CPS1: variants seen among roughly 807,000 people sequenced by gnomAD.
The protein encoded by CPS1 is carbamoyl-phosphate synthase [ammonia], mitochondrial.
Under a neutral mutation model 174.6 loss-of-function variants are expected in CPS1, and 109 were observed. The ratio of observed to expected loss-of-function variants is 0.62; its 90% CI spans 0.53 to 0.73. The LOEUF is 0.73. Among genes scored for constraint, CPS1 ranks in the 30% least tolerant of loss-of-function variants. The pLI is 0.00. For synonymous variants in CPS1, 637 were observed against 632.0 expected (o/e 1.01, Z -0.12); for missense variants, 1,689 against 1,821.9 (o/e 0.93, Z 1.33).
intron 1 of CPS1, among the ~76,000 whole-genome samples, chr2:210,572,153 A>G (rs1183595140): frequency 6.6e-6 from 1 of 151,938 alleles, no homozygotes; most frequent in Admixed American, 6.6e-5. Context: ...ATTACTTTGA[A>G]GGAAATCTCA....
At chr2:210,521,808 A>G (rs1165229727) in intron 1 of CPS1, among the ~76,000 whole-genome samples, 1 of 151,904 alleles carries the variant, frequency 6.6e-6, no homozygotes, top group Non-Finnish European at 1.5e-5. Context: ...CACATTATCA[A>G]TTATATTTCC....
chr2:210,625,457 T>C lies in CPS1; in HGVS notation c.2687+8916T>C, dbSNP rs890882279. Among the ~76,000 whole-genome samples, 32 of 152,176 alleles carry C rather than the reference T, an allele frequency of 2.1e-4. 1 individual carries two copies. In the South Asian group the frequency reaches 3.1e-3, roughly 15 times the overall value. ...ACATGTTATCTCATACAAGTCTCGA[T>C]GTACAGTTTTTAGGAGGTATGTGTC... On this transcript the variant is annotated intron_variant, in intron 21 of 37. Coordinates refer to ENST00000233072, the MANE Select transcript of CPS1 (RefSeq NM_001875.5).
rs1406035411 is a variant in CPS1 at position 210,647,931 on chromosome 2, G to C, written c.3210G>C (p.Lys1070Asn). The change falls in exon 26 of 38, where the codon AAG (lysine) becomes AAC (asparagine). Residue 1070 changes from lysine (K) to asparagine (N), a missense_variant. By Grantham distance (94) the Lys-to-Asn change is moderately conservative. Transcript: ENST00000233072. ...IPNNLAVPLY[K>N]NGVKIMGTSP... is the part of the protein sequence containing the mutation. ...ACAACCTGGCAGTTCCTCTATACAA[G>C]AATGGTGTCAAGATCATGGGCACAA... 22 of 1,614,054 alleles carry C rather than the reference G, an allele frequency of 1.4e-5. No homozygotes were observed. Among genetic ancestry groups the C allele is most frequent in the Non-Finnish European group, 1.8e-5 (21 of 1,179,960 alleles).
chr2:210,601,392 T>G (rs1254020328), intron 15 of CPS1, among the ~76,000 whole-genome samples: 1 of 151,920 alleles, frequency 6.6e-6, no homozygotes, highest in African/African-American at 2.4e-5. Context: ...AGGCACACCC[T>G]TAGGAATAAA....
At position 210,587,907 on chromosome 2, in the gene CPS1, A is replaced by C. The variant is rs191117061; in HGVS notation, c.622-151A>C. 1,005 of 780,900 alleles carry C rather than the reference A, an allele frequency of 1.3e-3. 2 individuals are homozygous for C. The highest frequency in any genetic ancestry group is 1.7e-3 in the Non-Finnish European group (728 of 428,260). The allele number at this position is 780,900 out of a possible 1,614,324, so 48.4% of individuals were successfully genotyped here. On this transcript the variant is annotated intron_variant, in intron 6 of 37. Coordinates refer to ENST00000233072, the MANE Select transcript of CPS1 (RefSeq NM_001875.5). ...GTGGCACTTGTTGTGCCTTTCTTAC[A>C]AACTGTTTGTTAACTGCCAGTCACT... is the stretch of plus-strand genomic sequence containing the variant.
chr2:210,491,690 C>T (rs1694881832), intron 1 of CPS1, among the ~76,000 whole-genome samples: 1 of 152,204 alleles, frequency 6.6e-6, no homozygotes, highest in Non-Finnish European at 1.5e-5. Flanking sequence ...GTTAAGGCAC[C>T]AAGTTTCTAC....
chr2:210,621,543 T>G (rs1054345778), intron 21 of CPS1, among the ~76,000 whole-genome samples: 1 of 152,122 alleles, frequency 6.6e-6, no homozygotes, highest in Admixed American at 6.6e-5. Flanking sequence ...GCTCTTCCCA[T>G]GTAGTATTTT....
At chr2:210,537,201 A>T (rs1024489764) in intron 1 of CPS1, among the ~76,000 whole-genome samples, 1 of 152,168 alleles carries the variant, frequency 6.6e-6, no homozygotes, top group East Asian at 1.9e-4. Flanking sequence ...GTTACAGCAC[A>T]TTGCTAAGGG....
chr2:210,541,495 A>T (rs184765452), intron 1 of CPS1, among the ~76,000 whole-genome samples: 13 of 152,296 alleles, frequency 8.5e-5, no homozygotes, highest in Non-Finnish European at 1.3e-4. Context: ...TTTGTCCAGA[A>T]TAACAAACAG....
At position 210,602,186 on chromosome 2, in the gene CPS1, T is replaced by C. The variant is rs759998335; in HGVS notation, c.1708-16T>C. On this transcript the variant is annotated splice_polypyrimidine_tract_variant and intron_variant, in intron 15 of 37. Transcript: ENST00000233072. ...GCTCAGCTTTTAAAATGTTGAGTCC[T>C]TGTTCTTGTTGACAGATTGAGGATG... 14 of 1,611,790 alleles carry C rather than the reference T, an allele frequency of 8.7e-6. No homozygotes were observed. The African/African-American group carries it at 1.7e-4, about 20-fold the overall frequency.
At chr2:210,522,554 C>G (rs1235062657) in intron 1 of CPS1, among the ~76,000 whole-genome samples, 2 of 151,968 alleles carry the variant, frequency 1.3e-5, no homozygotes, top group African/African-American at 4.8e-5. Flanking sequence ...ATTCTGGACT[C>G]ATAGTTTCTG....
intron 1 of CPS1, among the ~76,000 whole-genome samples, chr2:210,481,752 A>G (rs1694576287): frequency 6.6e-6 from 1 of 152,248 alleles, no homozygotes; most frequent in Admixed American, 6.5e-5. Flanking sequence ...CCTTGAGGGC[A>G]GGTGTATAGG....
intron 9 of CPS1, among the ~76,000 whole-genome samples, chr2:210,591,478 G>A (rs543592038): frequency 1.1e-4 from 16 of 151,826 alleles, no homozygotes; most frequent in African/African-American, 2.4e-4. Flanking sequence ...TATAACTCTC[G>A]GGCTTTAAAA....
chr2:210,567,266 AAATT>A (rs1447377768), intron 1 of CPS1, among the ~76,000 whole-genome samples: 1 of 152,134 alleles, frequency 6.6e-6, no homozygotes, highest in African/African-American at 2.4e-5. Flanking sequence ...ACTATTTCCA[AAATT>A]AATTATACCA....
At chr2:210,673,466 T>C (rs573126414) in intron 34 of CPS1, 22 of 152,274 alleles carry the variant, frequency 1.4e-4, no homozygotes, top group African/African-American at 4.6e-4. Context: ...CCTGGGGTCC[T>C]AGGAAAGACA....
intron 21 of CPS1, among the ~76,000 whole-genome samples, chr2:210,628,179 C>A (rs1328363499): frequency 6.6e-6 from 1 of 152,166 alleles, no homozygotes; most frequent in Non-Finnish European, 1.5e-5. Flanking sequence ...TCCCCTTCTA[C>A]CCACTCTTCA....
In CPS1 at chr2:210,597,831, T is replaced by TATATATATATATATATATATATAC. The variant is rs1208001280; in HGVS notation, c.1360-1540_1360-1539insTATATATATATATATATATATACA. Among the ~76,000 whole-genome samples the TATATATATATATATATATATATAC allele has an allele frequency of 1.6e-4, 24 of 151,334 alleles. 1 individual carries two copies. Among genetic ancestry groups the TATATATATATATATATATATATAC allele is most frequent in the African/African-American group, 5.3e-4 (22 of 41,220 alleles). On this transcript the variant is annotated intron_variant, in intron 13 of 37. Transcript: ENST00000233072. ...AGAGCTATGAATACCTTCATATATA[T>TATATATATATATATATATATATAC]ACACACACACACAAACATACACACA...
intron 32 of CPS1, among the ~76,000 whole-genome samples, chr2:210,661,686 C>A (rs1700926001): frequency 6.6e-6 from 1 of 152,010 alleles, no homozygotes; most frequent in Non-Finnish European, 1.5e-5. Flanking sequence ...GAGACTGTGA[C>A]AAACATATAT....
chr2:210,609,618 T>C (rs1370778102), intron 19 of CPS1, among the ~76,000 whole-genome samples: 1 of 152,016 alleles, frequency 6.6e-6, no homozygotes, highest in Non-Finnish European at 1.5e-5. Flanking sequence ...ATCATTTGTC[T>C]ATCTACCATT....
Sources: allele counts gnomAD v4.1 joint callset (sites outside exome capture counted in the v4.1 genomes callset), GRCh38; gene constraint gnomAD v4.1.1; transcripts MANE v1.5; gene names NCBI Gene and HGNC (gene_info 2026-07-23, HGNC 2026-07-21).